SLC35F4: variants seen among roughly 807,000 people sequenced by gnomAD.
SLC35F4 encodes the protein chromosome 14 open reading frame 36.
A neutral mutation model predicts 44.2 loss-of-function variants in SLC35F4; 24 were observed. That is an observed-to-expected ratio of 0.54 (90% CI 0.39 to 0.76). The LOEUF (loss-of-function observed/expected upper bound fraction) is 0.76. Among genes scored for constraint, SLC35F4 ranks in the 30% least tolerant of loss-of-function variants. The probability of loss-of-function intolerance (pLI) is 0.00; values close to 1 mark genes in which losing one functional copy is unlikely to be tolerated. For missense variants in SLC35F4, 562 were observed against 586.1 expected, an observed-to-expected ratio of 0.96 and a Z score of 0.42; for synonymous variants, 238 against 223.6, an observed-to-expected ratio of 1.06 and a Z score of -0.57.
chr14:57,929,845 C>T (rs904961128), intron 1 of SLC35F4, among the ~76,000 whole-genome samples: 2 of 152,186 alleles, frequency 1.3e-5, no homozygotes, highest in African/African-American at 4.8e-5. Context: ...TCTCCCAACA[C>T]GCATCTAGAC....
rs552367511 is a variant in SLC35F4 at position 57,646,180 on chromosome 14, A to G, written c.104-52056T>C. Among the ~76,000 whole-genome samples, 5 of 152,328 alleles carry G rather than the reference A, an allele frequency of 3.3e-5. No individual in the cohort carries two copies. The South Asian group carries it at 1.0e-3, about 32-fold the overall frequency. ...ATTCCCTCTTTTTCTATTGATTGGA[A>G]TAGTTTCAGAAGGAATGGTACCAGC... On this transcript the variant is annotated intron_variant, in intron 1 of 7. Transcript: ENST00000556826.
chr14:57,682,547 T>A (rs1418433965), intron 1 of SLC35F4, among the ~76,000 whole-genome samples: 1 of 151,854 alleles, frequency 6.6e-6, no homozygotes, highest in East Asian at 1.9e-4. Context: ...AGATGACGGA[T>A]TGATGGGTGC....
intron 1 of SLC35F4, among the ~76,000 whole-genome samples, chr14:57,946,913 GGTTT>G (rs1406049901): frequency 1.3e-5 from 2 of 152,002 alleles, no homozygotes; most frequent in Non-Finnish European, 2.9e-5. Context: ...TCCAGATTTG[GGTTT>G]GTTTTTGTTT....
At chr14:57,827,133 A>T (rs1211495896) in intron 1 of SLC35F4, among the ~76,000 whole-genome samples, 1 of 152,240 alleles carries the variant, frequency 6.6e-6, no homozygotes, top group Non-Finnish European at 1.5e-5. Context: ...AATAGACTGG[A>T]TAAAGAAAAT....
chr14:57,680,654 A>T (rs2074866975), intron 1 of SLC35F4, among the ~76,000 whole-genome samples: 1 of 152,186 alleles, frequency 6.6e-6, no homozygotes, highest in Admixed American at 6.5e-5. Context: ...TTAAGCTGAT[A>T]AGCAACTTCA....
At position 57,625,271 on chromosome 14, in the gene SLC35F4, AC is replaced by A. The variant is rs375353185; in HGVS notation, c.104-31148del. Among the ~76,000 whole-genome samples the A allele has an allele frequency of 1.1e-4, 17 of 152,318 alleles. No individual in the cohort carries two copies. The East Asian group carries it at 2.9e-3, about 26-fold the overall frequency. ...GATGTGAAGGACCTCTTCAAGGAAA[AC>A]TACAAAACACTGCTCAAGGAAATAA... On this transcript the variant is annotated intron_variant, in intron 1 of 7. Coordinates refer to ENST00000556826, the MANE Select transcript of SLC35F4 (RefSeq NM_001306087.2).
intron 1 of SLC35F4, among the ~76,000 whole-genome samples, chr14:57,899,911 C>T (rs1888964185): frequency 6.6e-6 from 1 of 152,114 alleles, no homozygotes; most frequent in Admixed American, 6.5e-5. Context: ...AGCGAAAGGA[C>T]AAAGCTTCCA....
At chr14:57,797,099 C>T (rs974724408) in intron 1 of SLC35F4, among the ~76,000 whole-genome samples, 14 of 152,188 alleles carry the variant, frequency 9.2e-5, no homozygotes, top group African/African-American at 3.4e-4. Flanking sequence ...TTGCTATAAC[C>T]TCTTGGCAAC....
At chr14:57,642,541 C>A (rs1957706) in intron 1 of SLC35F4, among the ~76,000 whole-genome samples, 87,166 of 151,558 alleles carry the variant, frequency 0.58, 26,509 homozygotes, top group Non-Finnish European at 0.68. Flanking sequence ...TTTATATTCA[C>A]ATGAAACAAA....
intron 1 of SLC35F4, among the ~76,000 whole-genome samples, chr14:57,677,427 A>T (rs1351818747): frequency 6.6e-6 from 1 of 152,070 alleles, no homozygotes; most frequent in Admixed American, 6.6e-5. Context: ...AAAATTATTT[A>T]AAAAGGGATA....
chr14:57,743,603 A>C (rs1245978265), intron 1 of SLC35F4, among the ~76,000 whole-genome samples: 1 of 151,990 alleles, frequency 6.6e-6, no homozygotes, highest in East Asian at 1.9e-4. Flanking sequence ...AACCAGAAAA[A>C]CTCCAGGACC....
intron 1 of SLC35F4, among the ~76,000 whole-genome samples, chr14:57,832,470 G>A (rs970083863): frequency 6.6e-6 from 1 of 152,102 alleles, no homozygotes; most frequent in Admixed American, 6.5e-5. Context: ...AAATTATATT[G>A]TATTTTTGTT....
At chr14:57,735,720 C>T (rs991379263) in intron 1 of SLC35F4, among the ~76,000 whole-genome samples, 3 of 143,884 alleles carry the variant, frequency 2.1e-5, no homozygotes, top group African/African-American at 5.7e-5. Context: ...TAGCCACCCC[C>T]TTTTGTTTTT....
downstream of SLC35F4, among the ~76,000 whole-genome samples, chr14:57,974,836 T>C (rs755007924): frequency 9.9e-5 from 15 of 152,228 alleles, no homozygotes; most frequent in Admixed American, 6.5e-4. Context: ...TGGCACATAG[T>C]AAGTACCTTA....
Position 57,865,707 on chromosome 14 carries a change from C to A in SLC35F4, c.103+16G>T. The A allele has an allele frequency of 6.6e-7, 1 of 1,512,558 alleles. No individual in the cohort carries two copies. The highest frequency in any genetic ancestry group is 8.8e-7 in the Non-Finnish European group (1 of 1,135,780). The allele number at this position is 1,512,558 out of a possible 1,614,324, so 93.7% of individuals were successfully genotyped here. ...CCCTTCCCCGCCTCGCGCAGGGCAG[C>A]CGCGCGGCGTCTTACTTTTCTGGCT... On this transcript the variant is annotated intron_variant, in intron 1 of 7. Coordinates refer to ENST00000556826, the MANE Select transcript of SLC35F4 (RefSeq NM_001306087.2).
At chr14:57,711,736 G>T (rs1423828559) in intron 1 of SLC35F4, among the ~76,000 whole-genome samples, 1 of 152,188 alleles carries the variant, frequency 6.6e-6, no homozygotes, top group Non-Finnish European at 1.5e-5. Context: ...GCCAAATCAA[G>T]ATATGATGAG....
Position 57,653,195 on chromosome 14 carries a change from T to C in SLC35F4, c.104-59071A>G, listed in dbSNP as rs1427829519. ...TATTAAATAAATTATATGTTCAGTG[T>C]ATTGGAGCTTCAGAGAAGAAATAAC... is the stretch of plus-strand genomic sequence containing the variant. On this transcript the variant is annotated intron_variant, in intron 1 of 7. Coordinates refer to ENST00000556826, the MANE Select transcript of SLC35F4 (RefSeq NM_001306087.2). 2.0e-5 allele frequency among the ~76,000 whole-genome samples: 3 copies of C among 152,178 alleles called. No homozygotes were observed. In the East Asian group the frequency reaches 5.8e-4, roughly 29 times the overall value.
At chr14:57,931,296 C>G (rs980782545) in intron 1 of SLC35F4, among the ~76,000 whole-genome samples, 50 of 152,270 alleles carry the variant, frequency 3.3e-4, no homozygotes, top group African/African-American at 1.2e-3. Context: ...TTTTCCAGTG[C>G]CTTTATCCAT....
chr14:57,882,981 C>A (rs900231251), intron 1 of SLC35F4, among the ~76,000 whole-genome samples: 3 of 151,270 alleles, frequency 2.0e-5, no homozygotes, highest in Non-Finnish European at 4.4e-5. Context: ...TGCACCTCTG[C>A]CCTTGGAAGA....
Sources: gnomAD v4.1 joint callset for allele counts (sites outside exome capture counted in the v4.1 genomes callset) on GRCh38, gnomAD v4.1.1 for gene constraint, MANE v1.5 for transcripts, NCBI Gene and HGNC (gene_info 2026-07-23, HGNC 2026-07-21) for gene names.